The following DPYD variants were observed in gnomAD, a reference collection of about 807,000 sequenced individuals.
DPYD encodes the protein dihydropyrimidine dehydrogenase [NADP(+)].
In DPYD, 109 loss-of-function variants were observed where a neutral mutation model predicts 116.2. That is an observed-to-expected ratio of 0.94 (90% confidence interval 0.80 to 1.10). The LOEUF (loss-of-function observed/expected upper bound fraction) is 1.10. DPYD is among the 50% of genes least tolerant of loss of function. The pLI, the probability that DPYD is intolerant of heterozygous loss-of-function variation, is 0.00. For synonymous variants in DPYD, 440 were observed against 432.0 expected (o/e 1.02, Z -0.23); for missense variants, 1,302 against 1,254.5 (o/e 1.04, Z -0.57).
intron 2 of DPYD, among the ~76,000 whole-genome samples, chr1:97,845,586 G>A (rs574615174): frequency 4.6e-5 from 7 of 152,124 alleles, no homozygotes; most frequent in Non-Finnish European, 7.4e-5. Flanking sequence ...AGTAGCCTGC[G>A]TACCTCATTC....
intron 5 of DPYD, among the ~76,000 whole-genome samples, chr1:97,711,083 G>A (rs1040470008): frequency 1.3e-5 from 2 of 151,744 alleles, no homozygotes; most frequent in Non-Finnish European, 2.9e-5. Context: ...ACTCTCTGGG[G>A]AACTTAATAT....
In DPYD at chr1:97,915,949, T is replaced by C. The variant is rs930205657; in HGVS notation, c.39+4935A>G. Among the ~76,000 whole-genome samples, 3 of 152,302 alleles carry C rather than the reference T, an allele frequency of 2.0e-5. No homozygotes were observed. The East Asian group carries it at 5.8e-4, about 29-fold the overall frequency. On this transcript the variant is annotated intron_variant, in intron 1 of 22. Transcript: ENST00000370192. ...CTTCTAGTTTTAGTGTTCCAAACTATTACTTACATTTACGCTAATTATTAG... is the reference window on the plus strand; with the variant it reads ...CTTCTAGTTTTAGTGTTCCAAACTACTACTTACATTTACGCTAATTATTAG...
chr1:97,746,576 A>C (rs1312702838), intron 3 of DPYD, among the ~76,000 whole-genome samples: 1 of 152,168 alleles, frequency 6.6e-6, no homozygotes, highest in East Asian at 1.9e-4. Context: ...TTACCCTGGA[A>C]GATATCTGGA....
At chr1:97,238,356 T>C (rs1173708300) in intron 18 of DPYD, among the ~76,000 whole-genome samples, 2 of 152,158 alleles carry the variant, frequency 1.3e-5, no homozygotes, top group African/African-American at 4.8e-5. Flanking sequence ...TCAACTGATT[T>C]AATACAAAAT....
At chr1:97,223,209 G>C (rs1355164987) in intron 19 of DPYD, among the ~76,000 whole-genome samples, 1 of 151,990 alleles carries the variant, frequency 6.6e-6, no homozygotes, top group Non-Finnish European at 1.5e-5. Flanking sequence ...GCTTGAACTA[G>C]CTCCATCAGA....
At chr1:97,244,476 C>G (rs962960783) in intron 18 of DPYD, among the ~76,000 whole-genome samples, 1 of 151,704 alleles carries the variant, frequency 6.6e-6, no homozygotes, top group Admixed American at 6.6e-5. Flanking sequence ...AAATCCAGTG[C>G]GCAGAGAGGT....
In DPYD at chr1:97,484,265, C is replaced by T. The variant is rs1033221614; in HGVS notation, c.1740+31461G>A. Among the ~76,000 whole-genome samples the T allele has an allele frequency of 2.6e-5, 4 of 152,172 alleles. No homozygotes were observed. The South Asian group carries it at 8.3e-4, about 32-fold the overall frequency. ...GTTGCAGTGAGCGGAGATAGCACCACTGCATTCCAGTCTGGGTGACAGAGC... is the reference window on the plus strand; with the variant it reads ...GTTGCAGTGAGCGGAGATAGCACCATTGCATTCCAGTCTGGGTGACAGAGC... On this transcript the variant is annotated intron_variant, in intron 13 of 22. Coordinates refer to ENST00000370192, the MANE Select transcript of DPYD (RefSeq NM_000110.4).
intron 18 of DPYD, among the ~76,000 whole-genome samples, chr1:97,292,714 ACGCGCGAG>A (rs1666285982): frequency 4.0e-5 from 4 of 100,992 alleles, no homozygotes; most frequent in Non-Finnish European, 8.4e-5. Context: ...GCGCGCGCAC[ACGCGCGAG>A]CACACACACA....
chr1:97,520,911 T>C (rs1357766856), intron 12 of DPYD, among the ~76,000 whole-genome samples: 4 of 152,052 alleles, frequency 2.6e-5, no homozygotes, highest in African/African-American at 7.2e-5. Flanking sequence ...GTCTTTGCAA[T>C]TGTGAATAGT....
At chr1:97,214,190 T>C (rs909165868) in intron 19 of DPYD, among the ~76,000 whole-genome samples, 2 of 152,130 alleles carry the variant, frequency 1.3e-5, no homozygotes, top group Non-Finnish European at 2.9e-5. Context: ...CTTGAGACCA[T>C]CCAACTTAGC....
intron 12 of DPYD, among the ~76,000 whole-genome samples, chr1:97,518,071 G>T (rs910724536): frequency 6.6e-6 from 1 of 151,890 alleles, no homozygotes; most frequent in Admixed American, 6.6e-5. Flanking sequence ...AAATTCTTAC[G>T]AACATTGCTG....
intron 20 of DPYD, among the ~76,000 whole-genome samples, chr1:97,154,809 C>T (rs1655321305): frequency 6.6e-6 from 1 of 151,710 alleles, no homozygotes. Context: ...GGTAAGTGTA[C>T]ACTGCTTGGG....
intron 3 of DPYD, among the ~76,000 whole-genome samples, chr1:97,767,546 T>A (rs1665930938): frequency 6.6e-6 from 1 of 152,086 alleles, no homozygotes; most frequent in African/African-American, 2.4e-5. Context: ...CTAATTTGTC[T>A]GACGGAGGAT....
intron 20 of DPYD, among the ~76,000 whole-genome samples, chr1:97,117,771 T>C (rs17471640): frequency 0.22 from 33,120 of 152,138 alleles, 4,398 homozygotes; most frequent in Middle Eastern, 0.39. Context: ...TTCTATAAGT[T>C]GTAATTGTTG....
intron 12 of DPYD, among the ~76,000 whole-genome samples, chr1:97,522,470 C>G (rs892336112): frequency 2.0e-5 from 3 of 152,120 alleles, no homozygotes; most frequent in Admixed American, 6.5e-5. Flanking sequence ...CACCTGTAAT[C>G]CCAGCACTTT....
At chr1:97,831,473 A>G (rs1400933662) in intron 2 of DPYD, among the ~76,000 whole-genome samples, 2 of 152,230 alleles carry the variant, frequency 1.3e-5, no homozygotes, top group East Asian at 3.9e-4. Flanking sequence ...AATTATTTGT[A>G]ATCAACAAGT....
rs1017319321 is a variant in DPYD at position 97,545,951 on chromosome 1, G to A, written c.1524+3609C>T. The A allele has an allele frequency of 6.0e-6, 7 of 1,169,292 alleles. No homozygotes were observed. The African/African-American group carries it at 9.0e-5, about 15-fold the overall frequency. 72.4% of individuals were successfully genotyped at this position (1,169,292 alleles called of 1,614,324 possible). ...AAGAATCAGATTGTCATACTCTACT[G>A]CACTTCCTTGAAGATGAAAAATATG... On this transcript the variant is annotated intron_variant, in intron 12 of 22. Coordinates refer to ENST00000370192, the MANE Select transcript of DPYD (RefSeq NM_000110.4).
intron 8 of DPYD, among the ~76,000 whole-genome samples, chr1:97,603,347 C>T (rs1655383413): frequency 6.6e-6 from 1 of 151,958 alleles, no homozygotes; most frequent in Admixed American, 6.6e-5. Context: ...TTGCAACAGC[C>T]ACCTGCTGTG....
intron 12 of DPYD, among the ~76,000 whole-genome samples, chr1:97,527,794 GAAAAAA>G (rs35111926): frequency 2.7e-4 from 31 of 112,770 alleles, no homozygotes; most frequent in African/African-American, 1.0e-3. Context: ...ATGAAATTTG[GAAAAAA>G]AAAAAAAAAA....
Sources: gnomAD v4.1 joint callset for allele counts (sites outside exome capture counted in the v4.1 genomes callset) on GRCh38, gnomAD v4.1.1 for gene constraint, MANE v1.5 for transcripts, NCBI Gene and HGNC (gene_info 2026-07-23, HGNC 2026-07-21) for gene names.